The following ZCWPW1 variants were observed in gnomAD, a reference collection of about 807,000 sequenced individuals.
The protein encoded by ZCWPW1 is zinc finger CW-type and PWWP domain containing 1, also known as zinc finger CW-type PWWP domain protein 1.
In ZCWPW1, 56 loss-of-function variants were observed where a neutral mutation model predicts 81.3. The observed-to-expected ratio is 0.69, with a 90% CI of 0.56 to 0.86. The LOEUF (loss-of-function observed/expected upper bound fraction) is 0.86, where lower values mean the gene tolerates loss of function less well. ZCWPW1 is among the 40% of genes least tolerant of loss of function. ZCWPW1 has a pLI of 0.00. For missense variants in ZCWPW1, 650 were observed against 769.8 expected, an observed-to-expected ratio of 0.84 and a Z score of 1.84; for synonymous variants, 250 against 273.7, an observed-to-expected ratio of 0.91 and a Z score of 0.86.
At chr7:100,425,580 T>C (rs2130894649) in intron 1 of ZCWPW1, among the ~76,000 whole-genome samples, 1 of 152,158 alleles carries the variant, frequency 6.6e-6, no homozygotes, top group African/African-American at 2.4e-5. Context: ...CCCAAAATCC[T>C]AGGGGGCCCT....
At chr7:100,414,961 G>C (rs1188245259) in intron 8 of ZCWPW1, among the ~76,000 whole-genome samples, 1 of 151,134 alleles carries the variant, frequency 6.6e-6, no homozygotes, top group Non-Finnish European at 1.5e-5. Context: ...GGAGGAGAAG[G>C]TTGCAGTGAG....
Position 100,416,302 on chromosome 7 carries a change from T to G in ZCWPW1, c.631+3A>C. 6.2e-7 allele frequency: 1 copy of G among 1,613,950 alleles called. No individual in the cohort carries two copies. The highest frequency in any genetic ancestry group is 8.5e-7 in the Non-Finnish European group (1 of 1,179,974). On this transcript the variant is annotated splice_donor_region_variant and intron_variant, in intron 7 of 17. Coordinates refer to ENST00000684423, the MANE Select transcript of ZCWPW1 (RefSeq NM_001386010.1). ...GCTTCAAAGTATATCTGACTGTACTTACGAGCTTCCTTCTTTCTTTTGCTT... is the reference window on the plus strand; with the variant it reads ...GCTTCAAAGTATATCTGACTGTACTGACGAGCTTCCTTCTTTCTTTTGCTT...
chr7:100,425,397 C>CAACATATGA (rs1797139055), intron 1 of ZCWPW1, among the ~76,000 whole-genome samples: 1 of 151,768 alleles, frequency 6.6e-6, no homozygotes, highest in African/African-American at 2.4e-5. Flanking sequence ...TCTCATCACT[C>CAACATATGA]AACATATGAA....
At chr7:100,401,433 C>T in intron 17 of ZCWPW1, 97 bp from the exon 18 acceptor site, 1 of 1,151,440 alleles carries the variant, frequency 8.7e-7, no homozygotes, top group Non-Finnish European at 1.2e-6. Context: ...CAAGAAATCT[C>T]TGGAAAAGAT....
intron 2 of ZCWPW1, among the ~76,000 whole-genome samples, 187 bp downstream of exon 2, chr7:100,424,843 A>G (rs1407846629): frequency 6.6e-6 from 1 of 152,232 alleles, no homozygotes; most frequent in African/African-American, 2.4e-5. Context: ...TCAAATCCTT[A>G]TCTAAACCTG....
At chr7:100,411,581 T>C (rs11975190) in intron 8 of ZCWPW1, among the ~76,000 whole-genome samples, 4,449 of 150,768 alleles carry the variant, frequency 0.03, 229 homozygotes, top group African/African-American at 0.1. Flanking sequence ...AATTACCTTA[T>C]CTTGAAGAAC....
chr7:100,412,593 T>A (rs567069546), intron 8 of ZCWPW1, among the ~76,000 whole-genome samples: 8 of 152,274 alleles, frequency 5.3e-5, no homozygotes, highest in African/African-American at 1.9e-4. Flanking sequence ...TTTTATTTAT[T>A]TTTTTTGAGA....
chr7:100,420,968 G>A (rs112321082), intron 2 of ZCWPW1, among the ~76,000 whole-genome samples: 3,624 of 152,150 alleles, frequency 0.024, 156 homozygotes, highest in African/African-American at 0.079. Context: ...TGGGCAACAC[G>A]GCAAAACCTC....
rs768614097 is a variant in ZCWPW1, at chr7:100,401,162, C to A, written c.1802G>T (p.Gly601Val). The A allele has an allele frequency of 5.6e-6, 9 of 1,614,228 alleles. No homozygotes were observed. The highest frequency in any genetic ancestry group is 7.6e-6 in the Non-Finnish European group (9 of 1,180,030). Residue 601 changes from glycine to valine, a missense_variant, in exon 18 of 18, where the codon GGA becomes GTA. Coordinates refer to ENST00000684423, the MANE Select transcript of ZCWPW1 (RefSeq NM_001386010.1). The part of the protein sequence containing the change: ...RHREPLTQEA[G>V]SVPLEDEASS... ...GGCTTCGTCCTCAAGGGGGACACTT[C>A]CAGCCTCCTGGGTCAGGGGTTCCCG...
intron 2 of ZCWPW1, among the ~76,000 whole-genome samples, chr7:100,422,445 C>G (rs1189671641): frequency 1.3e-5 from 2 of 152,244 alleles, no homozygotes; most frequent in African/African-American, 4.8e-5. Flanking sequence ...AAATTAGTAT[C>G]TACACAGCTA....
At chr7:100,423,551 T>A (rs1796726780) in intron 2 of ZCWPW1, among the ~76,000 whole-genome samples, 1 of 152,172 alleles carries the variant, frequency 6.6e-6, no homozygotes, top group Admixed American at 6.5e-5. Flanking sequence ...ATTTTTCTCT[T>A]CCTTTTCTCA....
At chr7:100,416,245 C>G in intron 7 of ZCWPW1, 60 bp downstream of exon 7, 1 of 1,599,414 alleles carries the variant, frequency 6.3e-7, no homozygotes, top group Non-Finnish European at 8.5e-7. Context: ...TGGTCCCATT[C>G]CCTAATTTCC....
chr7:100,409,419 C>A lies in ZCWPW1; in HGVS notation c.871+9G>T, dbSNP rs757762098. 1.3e-6 allele frequency: 2 copies of A among 1,594,908 alleles called. No homozygotes were observed. Among genetic ancestry groups the A allele is most frequent in the East Asian group, 4.5e-5 (2 of 44,718 alleles). The stretch of plus-strand genomic sequence containing the variant: ...AAACATGAATGAAAACATTTCCAGT[C>A]TTTTCTACCTGTGTTCTGATCACAG... On this transcript the variant is annotated intron_variant, in intron 9 of 17. Coordinates refer to ENST00000684423, the MANE Select transcript of ZCWPW1 (RefSeq NM_001386010.1).
Position 100,419,177 on chromosome 7 carries a change from G to A in ZCWPW1, c.295C>T (p.Leu99Phe), listed in dbSNP as rs905349241. The A allele has an allele frequency of 1.1e-5, 17 of 1,612,898 alleles. No individual in the cohort carries two copies. Among genetic ancestry groups the A allele is most frequent in the East Asian group, 8.9e-5 (4 of 44,768 alleles). Residue 99 changes from leucine (L) to phenylalanine (F), a missense_variant, in exon 5 of 18, where the codon CTT becomes TTT. Transcript: ENST00000684423. ...ATCTCCTCAAATTCTGCATTGGTAA[G>A]ACTTGATTTTTCCTGCAGAGACAAG... ...AEKKEKEKSS[L>F]TNAEFEEIVQ... is the part of the protein sequence containing the mutation.
chr7:100,424,763 A>G (rs575651804), intron 2 of ZCWPW1, among the ~76,000 whole-genome samples: 1 of 152,236 alleles, frequency 6.6e-6, no homozygotes, highest in East Asian at 1.9e-4. Flanking sequence ...CCCGGCCGAA[A>G]TTCTTTAAGT....
At chr7:100,407,369 T>A (rs1363759617) in intron 10 of ZCWPW1, 66 bp from the exon 11 acceptor site, 4 of 1,368,422 alleles carry the variant, frequency 2.9e-6, no homozygotes, top group Non-Finnish European at 4.1e-6. Context: ...CACAACCTCA[T>A]CAATGTACAT....
Position 100,428,677 on chromosome 7 carries a change from G to A in ZCWPW1, c.-246C>T, listed in dbSNP as rs1226158836. 1 of 152,310 alleles carries A rather than the reference G, an allele frequency of 6.6e-6. No homozygotes were observed. The highest frequency in any genetic ancestry group is 2.4e-5 in the African/African-American group (1 of 41,444). The allele number at this position is 152,310 out of a possible 1,614,324, so 9.4% of individuals were successfully genotyped here. A position where few individuals can be genotyped will look rare whatever the true frequency, so the allele number is the denominator to read the frequency against. The stretch of plus-strand genomic sequence containing the variant: ...GGCGGCGCATCTCCCCGGGAAAACG[G>A]CGTAGACTCGCTTCTTCCTCATTGG... On this transcript the variant is annotated 5_prime_UTR_variant, in exon 1 of 18. Coordinates refer to ENST00000684423, the MANE Select transcript of ZCWPW1 (RefSeq NM_001386010.1).
chr7:100,424,888 G>C (rs1439633651), intron 2 of ZCWPW1, 142 bp downstream of exon 2: 1 of 152,066 alleles, frequency 6.6e-6, no homozygotes, highest in Admixed American at 6.6e-5. Context: ...TATTTCTGGA[G>C]CCCCAACCAA....
chr7:100,412,081 C>A (rs1397584312), intron 8 of ZCWPW1, among the ~76,000 whole-genome samples: 1 of 152,122 alleles, frequency 6.6e-6, no homozygotes, highest in Non-Finnish European at 1.5e-5. Context: ...AAGCTTCCCC[C>A]TCAGTCTCCT....
Sources: gnomAD v4.1 joint callset for allele counts (sites outside exome capture counted in the v4.1 genomes callset) on GRCh38, gnomAD v4.1.1 for gene constraint, MANE v1.5 for transcripts, NCBI Gene and HGNC (gene_info 2026-07-23, HGNC 2026-07-21) for gene names.